FGD6: variants seen among roughly 807,000 people sequenced by gnomAD.
The protein encoded by FGD6 is FYVE, RhoGEF and PH domain-containing protein 6.
Under a neutral mutation model 149.4 loss-of-function variants are expected in FGD6, and 90 were observed. That is an observed-to-expected ratio of 0.60 (90% CI 0.51 to 0.72). The LOEUF (loss-of-function observed/expected upper bound fraction) is 0.72. Among genes scored for constraint, FGD6 ranks in the 30% least tolerant of loss-of-function variants. The pLI, the probability that FGD6 is intolerant of heterozygous loss-of-function variation, is 0.00. For synonymous variants in FGD6, 527 were observed against 584.0 expected (o/e 0.90, Z 1.41); for missense variants, 1,437 against 1,684.8 (o/e 0.85, Z 2.57).
In FGD6 at chr12:95,209,522, C is replaced by A; in HGVS notation, c.1762G>T (p.Val588Leu). Reference sequence around the variant, plus strand: ...GTTGAAGGCTCACTGTTTGACGATACGGTGACAGACTTTAAGAATTCTGGG... The same window carrying A: ...GTTGAAGGCTCACTGTTTGACGATAAGGTGACAGACTTTAAGAATTCTGGG... ...GNPEFLKSVT[V>L]SSNSEPSTAL... is the part of the protein sequence containing the mutation. The change falls in exon 2 of 21, where the codon GTA becomes TTA. Residue 588 changes from valine to leucine, a missense_variant. Val to Leu is a conservative substitution (Grantham distance 32). Around this residue, in one of 2 missense-constraint regions of FGD6, gnomAD observed 1,055 missense variants for 1,146.0 expected, o/e 0.92. Coordinates refer to ENST00000343958, the MANE Select transcript of FGD6 (RefSeq NM_018351.4). The A allele has an allele frequency of 6.2e-7, 1 of 1,613,744 alleles. No homozygotes were observed. Among genetic ancestry groups the A allele is most frequent in the Non-Finnish European group, 8.5e-7 (1 of 1,179,900 alleles).
intron 2 of FGD6, among the ~76,000 whole-genome samples, chr12:95,197,563 C>G (rs1414059306): frequency 6.6e-6 from 1 of 152,214 alleles, no homozygotes; most frequent in African/African-American, 2.4e-5. Context: ...CCCTACCATT[C>G]ATTTAAATCT....
At position 95,134,831 on chromosome 12, in the gene FGD6, AAGG is replaced by A. The variant is rs1879622338; in HGVS notation, c.2995-8_2995-6del. On this transcript the variant is annotated splice_region_variant and splice_polypyrimidine_tract_variant and intron_variant, in intron 7 of 20. Transcript: ENST00000343958. Reference sequence around the variant, plus strand: ...ATTAGCACAGCGAGGGCTCATCTGAAAGGAGAAGGCATCTAAATTAACACAGTG... The same window carrying A: ...ATTAGCACAGCGAGGGCTCATCTGAAAGAAGGCATCTAAATTAACACAGTG... The A allele has an allele frequency of 1.2e-6, 2 of 1,610,078 alleles. No homozygotes were observed. The highest frequency in any genetic ancestry group is 1.7e-6 in the Non-Finnish European group (2 of 1,178,064).
intron 11 of FGD6, 56 bp from the exon 12 acceptor site, chr12:95,107,687 A>C: frequency 6.4e-7 from 1 of 1,568,448 alleles, no homozygotes; most frequent in African/African-American, 1.3e-5. Flanking sequence ...CAACGACAAT[A>C]TAATTTCCTT....
intron 2 of FGD6, among the ~76,000 whole-genome samples, chr12:95,198,541 G>A (rs113002417): frequency 1.3e-4 from 20 of 152,168 alleles, no homozygotes; most frequent in African/African-American, 4.3e-4. Flanking sequence ...CCAGGTTCAC[G>A]CCCTTCTCCT....
chr12:95,139,215 G>A (rs118069153), intron 6 of FGD6, among the ~76,000 whole-genome samples: 394 of 152,218 alleles, frequency 2.6e-3, no homozygotes, highest in Admixed American at 5.8e-3. Context: ...TGAGGCGAGA[G>A]GATCACTTGA....
chr12:95,188,579 ACAAAACCCC>A (rs1425502065), intron 2 of FGD6, among the ~76,000 whole-genome samples: 1 of 152,188 alleles, frequency 6.6e-6, no homozygotes, highest in Non-Finnish European at 1.5e-5. Flanking sequence ...ATCAAAACAA[ACAAAACCCC>A]CAAAACCTTA....
chr12:95,106,897 C>CAA (rs1043148772), intron 13 of FGD6, 57 bp downstream of exon 13: 30 of 1,204,460 alleles, frequency 2.5e-5, no homozygotes, highest in Non-Finnish European at 3.1e-5. Context: ...CCGTCTCAAA[C>CAA]AAAACAAAAC....
At chr12:95,153,849 T>A (rs1375040189) in intron 3 of FGD6, among the ~76,000 whole-genome samples, 1 of 151,838 alleles carries the variant, frequency 6.6e-6, no homozygotes, top group East Asian at 1.9e-4. Flanking sequence ...TTCCTTAAAA[T>A]CCCTTTTAGA....
intron 2 of FGD6, among the ~76,000 whole-genome samples, chr12:95,207,300 C>G (rs2056697671): frequency 6.6e-6 from 1 of 152,144 alleles, no homozygotes; most frequent in African/African-American, 2.4e-5. Context: ...CTGAGGCCTC[C>G]CCAGCCATGC....
chr12:95,208,732 A>C, intron 2 of FGD6, 111 bp downstream of exon 2: 10 of 1,249,636 alleles, frequency 8.0e-6, no homozygotes, highest in Non-Finnish European at 9.8e-6. Flanking sequence ...CACATTTTCT[A>C]AACTATTCCT....
In FGD6 at chr12:95,084,500, C is replaced by T. The variant is rs1325702518; in HGVS notation, c.4254G>A (p.Gln1418=). 6.4e-7 allele frequency: 1 copy of T among 1,558,112 alleles called. No individual in the cohort carries two copies. Among genetic ancestry groups the T allele is most frequent in the Non-Finnish European group, 8.6e-7 (1 of 1,160,434 alleles). The change falls in exon 20 of 21, where the codon CAG becomes CAA. Residue 1418 remains glutamine, a splice_region_variant and synonymous_variant. Coordinates refer to ENST00000343958, the MANE Select transcript of FGD6 (RefSeq NM_018351.4). ...VFKAEDAHSA[Q]KWIEAFQEGT... ...AAAAATATGGCCAGATTACTTACTT[C>T]TGAGCCGAATGAGCATCCTCTGCTT...
rs775911425 is a variant in FGD6, at chr12:95,209,698, T to C, written c.1586A>G (p.Glu529Gly). The change falls in exon 2 of 21, where the codon GAA becomes GGA. Residue 529 changes from glutamate to glycine, a missense_variant. Transcript: ENST00000343958. ...TTCTAGACTCTTCTCTGAACTTTTT[T>C]CTTCACTTGAAGGATAAGAACTTTT... ...LEKSSYPSSE[E>G]KSSEKSLERN... is the part of the protein sequence containing the mutation. 1.9e-6 allele frequency: 3 copies of C among 1,614,046 alleles called. No homozygotes were observed. The highest frequency in any genetic ancestry group is 2.2e-5 in the South Asian group (2 of 91,046).
chr12:95,199,923 C>A (rs577993427), intron 2 of FGD6, among the ~76,000 whole-genome samples: 2 of 152,234 alleles, frequency 1.3e-5, no homozygotes, highest in African/African-American at 4.8e-5. Context: ...CTTCTTGGGA[C>A]TGTGGGATAC....
intron 2 of FGD6, among the ~76,000 whole-genome samples, chr12:95,184,241 A>G (rs1881362725): frequency 6.6e-6 from 1 of 152,222 alleles, no homozygotes; most frequent in South Asian, 2.1e-4. Context: ...ATCAGTTTCC[A>G]ATAGGAACTA....
chr12:95,107,870 T>C (rs1344994197), intron 11 of FGD6, among the ~76,000 whole-genome samples: 1 of 152,130 alleles, frequency 6.6e-6, no homozygotes, highest in African/African-American at 2.4e-5. Flanking sequence ...TGGAGGCACA[T>C]GTAATTGACT....
At chr12:95,130,431 A>G (rs962655156) in intron 8 of FGD6, among the ~76,000 whole-genome samples, 87 of 152,216 alleles carry the variant, frequency 5.7e-4, no homozygotes, top group Non-Finnish European at 2.9e-5. Flanking sequence ...CTGCTCTTGT[A>G]TATTTTGTGC....
intron 5 of FGD6, among the ~76,000 whole-genome samples, chr12:95,149,458 A>G (rs1880226686): frequency 7.5e-6 from 1 of 132,800 alleles, no homozygotes; most frequent in Admixed American, 9.3e-5. Flanking sequence ...TACATAGTAT[A>G]TTATACATCA....
chr12:95,136,055 C>T (rs1023566453), intron 7 of FGD6, among the ~76,000 whole-genome samples: 1 of 152,110 alleles, frequency 6.6e-6, no homozygotes, highest in Admixed American at 6.6e-5. Context: ...CAATACCATA[C>T]TATTTTAAAA....
At chr12:95,085,630 C>T in intron 19 of FGD6, 150 bp downstream of exon 19, 1 of 784,480 alleles carries the variant, frequency 1.3e-6, no homozygotes, top group South Asian at 2.2e-5. Context: ...GAACACTGTT[C>T]ACATTAAAAA....
Sources: gnomAD v4.1 joint callset for allele counts (sites outside exome capture counted in the v4.1 genomes callset) on GRCh38, gnomAD v4.1.1 for gene constraint, gnomAD v4.1.1 regional missense constraint, MANE v1.5 for transcripts, NCBI Gene and HGNC (gene_info 2026-07-23, HGNC 2026-07-21) for gene names.